CREBRF: variants seen among roughly 807,000 people sequenced by gnomAD.
CREBRF encodes the protein UPF0474 protein C5orf41.
Under a neutral mutation model 66.1 loss-of-function variants are expected in CREBRF, and 5 were observed. The observed-to-expected ratio is 0.08, with a 90% CI of 0.04 to 0.16. The LOEUF is 0.16. Among genes scored for constraint, CREBRF ranks in the 10% least tolerant of loss-of-function variants. The pLI is 1.00. For missense variants in CREBRF, 531 were observed against 744.9 expected, an observed-to-expected ratio of 0.71 and a Z score of 3.34; for synonymous variants, 229 against 264.4, an observed-to-expected ratio of 0.87 and a Z score of 1.30.
intron 2 of CREBRF, among the ~76,000 whole-genome samples, chr5:173,082,087 C>G (rs1472538210): frequency 3.0e-5 from 4 of 135,470 alleles, no homozygotes; most frequent in African/African-American, 1.1e-4. Flanking sequence ...AATCTTGGCT[C>G]ACTGCAAGCT....
chr5:173,063,178 T>C (rs1332080416), intron 1 of CREBRF, among the ~76,000 whole-genome samples: 1 of 152,176 alleles, frequency 6.6e-6, no homozygotes, highest in African/African-American at 2.4e-5. Context: ...ATTTATGACC[T>C]TTCCTCCAAA....
intron 6 of CREBRF, 65 bp downstream of exon 6, chr5:173,110,776 G>A (rs1273407922): frequency 8.7e-7 from 1 of 1,155,516 alleles, no homozygotes; most frequent in African/African-American, 1.6e-5. Context: ...CCCTAAGTGA[G>A]TTTTTATAGA....
rs553575299 is a variant in CREBRF at position 173,136,746 on chromosome 5, A to G, written c.*3001A>G. 1 of 152,450 alleles carries G rather than the reference A, an allele frequency of 6.6e-6. No homozygotes were observed. Among genetic ancestry groups the G allele is most frequent in the Non-Finnish European group, 1.5e-5 (1 of 67,900 alleles). The allele number at this position is 152,450 out of a possible 1,614,324, so 9.4% of individuals were successfully genotyped here. A position where few individuals can be genotyped will look rare whatever the true frequency, so the allele number is the denominator to read the frequency against. On this transcript the variant is annotated 3_prime_UTR_variant, in exon 9 of 9. Transcript: ENST00000296953. ...AATGTAAAAACCCCAACAATTGTAC[A>G]TGTTCTGTTTTTGAAAATTGTGGCA...
chr5:173,077,133 C>A (rs541300078), intron 1 of CREBRF, among the ~76,000 whole-genome samples: 66 of 151,652 alleles, frequency 4.4e-4, no homozygotes, highest in African/African-American at 1.6e-3. Context: ...TTAGTAGAGA[C>A]GGGGTTTCAC....
intron 7 of CREBRF, among the ~76,000 whole-genome samples, chr5:173,113,104 C>T (rs1318045415): frequency 2.6e-5 from 4 of 151,978 alleles, no homozygotes; most frequent in Non-Finnish European, 5.9e-5. Flanking sequence ...GTGATCCTCC[C>T]ACTGCAGCCT....
intron 1 of CREBRF, among the ~76,000 whole-genome samples, chr5:173,063,782 G>T (rs763688314): frequency 1.3e-5 from 2 of 151,726 alleles, no homozygotes; most frequent in Non-Finnish European, 2.9e-5. Flanking sequence ...GAGTGCAGTG[G>T]TGTAATCTCT....
At position 173,080,772 on chromosome 5, in the gene CREBRF, G is replaced by A; in HGVS notation, c.-4G>A. ...AATCGGATTCACAGGATCTGGGCTT[G>A]GAAATGCCTCAGGTAAATCATACAG... On this transcript the variant is annotated 5_prime_UTR_variant, in exon 2 of 9. Coordinates refer to ENST00000296953, the MANE Select transcript of CREBRF (RefSeq NM_153607.3). 1.2e-6 allele frequency: 2 copies of A among 1,613,468 alleles called. No individual in the cohort carries two copies. The highest frequency in any genetic ancestry group is 8.5e-7 in the Non-Finnish European group (1 of 1,179,614).
chr5:173,110,305 T>C (rs1758842325), intron 5 of CREBRF: 1 of 647,608 alleles, frequency 1.5e-6, no homozygotes, highest in Non-Finnish European at 2.9e-6. Context: ...GTTAGAACTC[T>C]GCCATATCAC....
chr5:173,088,421 G>A (rs1346403005), intron 3 of CREBRF, among the ~76,000 whole-genome samples: 12 of 143,102 alleles, frequency 8.4e-5, no homozygotes, highest in Admixed American at 3.6e-4. Flanking sequence ...CCTGGGAGAC[G>A]GAGGTTGCAG....
chr5:173,062,680 C>T (rs1388851432), intron 1 of CREBRF, among the ~76,000 whole-genome samples: 1 of 149,292 alleles, frequency 6.7e-6, no homozygotes, highest in African/African-American at 2.5e-5. Flanking sequence ...TTATTTCATA[C>T]AGGTTTGGGA....
intron 7 of CREBRF, among the ~76,000 whole-genome samples, chr5:173,114,675 A>C (rs1042214383): frequency 6.6e-6 from 1 of 152,212 alleles, no homozygotes; most frequent in East Asian, 1.9e-4. Context: ...GGGGCCCACT[A>C]TACTACTCAT....
rs869148787 is a variant in CREBRF at position 173,082,003 on chromosome 5, G to GTTTTTTTTTTTTTTTTTTT, written c.9+1229_9+1247dup. Among the ~76,000 whole-genome samples the GTTTTTTTTTTTTTTTTTTT allele has an allele frequency of 3.5e-4, 27 of 78,076 alleles. 1 individual carries two copies. The highest frequency in any genetic ancestry group is 2.0e-3 in the South Asian group (4 of 1,958). The allele number at this position is 78,076 out of a possible 152,430, so 51.2% of individuals were successfully genotyped here. A position where few individuals can be genotyped will look rare whatever the true frequency, so the allele number is the denominator to read the frequency against. ...AGAGTGGTTGCCCATTCAAGGTTTA[G>GTTTTTTTTTTTTTTTTTTT]TTTTTTTTTTTTTTTTTTTTTTTTT... On this transcript the variant is annotated intron_variant, in intron 2 of 8. Coordinates refer to ENST00000296953, the MANE Select transcript of CREBRF (RefSeq NM_153607.3).
chr5:173,095,382 G>T (rs896540096), intron 4 of CREBRF, among the ~76,000 whole-genome samples: 13 of 151,834 alleles, frequency 8.6e-5, no homozygotes, highest in African/African-American at 2.9e-4. Flanking sequence ...GTAGAGACGG[G>T]GTTTCACTGT....
intron 8 of CREBRF, among the ~76,000 whole-genome samples, chr5:173,125,184 C>G (rs1361783177): frequency 1.3e-5 from 2 of 152,012 alleles, no homozygotes; most frequent in Non-Finnish European, 2.9e-5. Flanking sequence ...GTCACTTTTT[C>G]TTGAATCATT....
At chr5:173,122,378 G>C (rs116850083) in intron 7 of CREBRF, among the ~76,000 whole-genome samples, 5,710 of 152,206 alleles carry the variant, frequency 0.038, 142 homozygotes, top group South Asian at 0.091. Context: ...TGGGATTATA[G>C]GCGTGAGCCA....
chr5:173,087,199 G>A (rs552345133), intron 3 of CREBRF, among the ~76,000 whole-genome samples: 30 of 151,962 alleles, frequency 2.0e-4, no homozygotes, highest in African/African-American at 6.5e-4. Flanking sequence ...CACCTGCCTC[G>A]GCCTCCCAAA....
chr5:173,100,527 G>A (rs754002306), intron 4 of CREBRF, among the ~76,000 whole-genome samples: 11 of 151,706 alleles, frequency 7.3e-5, no homozygotes, highest in South Asian at 2.1e-4. Context: ...GGGTTCAAGC[G>A]ATTCTCCTGC....
rs773717191 is a variant in CREBRF at position 173,135,744 on chromosome 5, A to G, written c.*1999A>G. The stretch of plus-strand genomic sequence containing the variant: ...TATATAGCTTGTGAAGGTTTGATCT[A>G]GAACACCCAGTAACAAATGAACAAT... On this transcript the variant is annotated 3_prime_UTR_variant, in exon 9 of 9. Coordinates refer to ENST00000296953, the MANE Select transcript of CREBRF (RefSeq NM_153607.3). 5.3e-5 allele frequency: 8 copies of G among 152,366 alleles called. No individual in the cohort carries two copies. Among genetic ancestry groups the G allele is most frequent in the African/African-American group, 7.2e-5 (3 of 41,446 alleles). 9.4% of individuals were successfully genotyped at this position (152,366 alleles called of 1,614,324 possible).
intron 4 of CREBRF, among the ~76,000 whole-genome samples, chr5:173,106,201 G>A (rs937556594): frequency 9.3e-5 from 14 of 151,326 alleles, no homozygotes; most frequent in East Asian, 8.0e-4. Context: ...AGGCCGTGGC[G>A]GGTGGATCAT....
Sources: gnomAD v4.1 joint callset for allele counts (sites outside exome capture counted in the v4.1 genomes callset) on GRCh38, gnomAD v4.1.1 for gene constraint, MANE v1.5 for transcripts, NCBI Gene and HGNC (gene_info 2026-07-23, HGNC 2026-07-21) for gene names.